The following NPAS3 variants were observed in gnomAD, a reference collection of about 807,000 sequenced individuals.
NPAS3 encodes the protein neuronal PAS domain-containing protein 3.
In NPAS3, 14 loss-of-function variants were observed where a neutral mutation model predicts 73.1. The ratio of observed to expected loss-of-function variants is 0.19; its 90% CI spans 0.13 to 0.30. The LOEUF (loss-of-function observed/expected upper bound fraction) is 0.30. Among genes scored for constraint, NPAS3 ranks in the 10% least tolerant of loss-of-function variants. The pLI is 1.00. For missense variants in NPAS3, 1,096 were observed against 1,250.0 expected (o/e 0.88, Z 1.86); for synonymous variants, 620 against 541.5 (o/e 1.14, Z -2.01).
chr14:33,746,171 TTTTA>T lies in NPAS3; in HGVS notation c.852+10867_852+10870del, dbSNP rs528860081. On this transcript the variant is annotated intron_variant, in intron 7 of 11. Coordinates refer to ENST00000356141, the Ensembl canonical transcript of NPAS3. ...TATTGACTCATTCTTTTTTATTTTA[TTTTA>T]TTTATTTATTTATTTATTTATTTAT... Among the ~76,000 whole-genome samples, 593 of 144,458 alleles carry T rather than the reference TTTTA, an allele frequency of 4.1e-3. 4 individuals are homozygous for T. Among genetic ancestry groups the T allele is most frequent in the African/African-American group, 0.014 (555 of 39,304 alleles). The allele number at this position is 144,458 out of a possible 152,430, so 94.8% of individuals were successfully genotyped here.
At chr14:33,085,913 A>C (rs1230098203) in intron 2 of NPAS3, among the ~76,000 whole-genome samples, 4 of 152,196 alleles carry the variant, frequency 2.6e-5, no homozygotes, top group Non-Finnish European at 5.9e-5. Flanking sequence ...GTCAACTTTC[A>C]GTTGGAAGTG....
intron 6 of NPAS3, among the ~76,000 whole-genome samples, chr14:33,711,041 A>G (rs1007757183): frequency 1.3e-5 from 2 of 151,942 alleles, no homozygotes; most frequent in Non-Finnish European, 2.9e-5. Context: ...CAGGTTTCCA[A>G]CTCTCTCACC....
intron 2 of NPAS3, among the ~76,000 whole-genome samples, chr14:33,136,838 A>G (rs1387850249): frequency 1.3e-5 from 2 of 152,236 alleles, no homozygotes; most frequent in Admixed American, 6.5e-5. Context: ...GGAGCAATTT[A>G]CCAATACCGC....
chr14:33,784,666 C>T (rs1411271381), intron 9 of NPAS3, among the ~76,000 whole-genome samples: 5 of 150,902 alleles, frequency 3.3e-5, no homozygotes, highest in South Asian at 2.1e-4. Context: ...CACATGGATT[C>T]GCAAGCTTCT....
intron 5 of NPAS3, among the ~76,000 whole-genome samples, chr14:33,626,817 T>C (rs2058234322): frequency 6.6e-6 from 1 of 152,086 alleles, no homozygotes; most frequent in Admixed American, 6.6e-5. Flanking sequence ...AGGTTATCCA[T>C]ACAAAGGGAT....
Position 33,565,896 on chromosome 14 carries a change from T to TA in NPAS3, c.558+5694dup, listed in dbSNP as rs1416840643. Among the ~76,000 whole-genome samples the TA allele has an allele frequency of 3.2e-3, 485 of 151,900 alleles. 2 individuals carry two copies. The highest frequency in any genetic ancestry group is 0.01 in the African/African-American group (421 of 41,404). On this transcript the variant is annotated intron_variant, in intron 5 of 11. Transcript: ENST00000356141. ...TCAAGTAGACATACCTTAATTTTTT[T>TA]AAAAAAAAGCAGAAAAATATATAAT... is the stretch of plus-strand genomic sequence containing the variant.
At chr14:33,360,999 G>A (rs1026201382) in intron 3 of NPAS3, among the ~76,000 whole-genome samples, 2 of 152,304 alleles carry the variant, frequency 1.3e-5, no homozygotes, top group South Asian at 4.1e-4. Context: ...TCAAGGGGAA[G>A]TGTGGGTTCT....
intron 2 of NPAS3, among the ~76,000 whole-genome samples, chr14:33,090,877 A>T (rs527402978): frequency 6.6e-6 from 1 of 152,234 alleles, no homozygotes; most frequent in South Asian, 2.1e-4. Context: ...GAAACTGAAC[A>T]ACCTGCTCCT....
At chr14:33,231,136 T>G (rs1185311634) in intron 3 of NPAS3, among the ~76,000 whole-genome samples, 1 of 152,224 alleles carries the variant, frequency 6.6e-6, no homozygotes, top group East Asian at 1.9e-4. Flanking sequence ...AGTGCAGGGT[T>G]ACTACACTTT....
At chr14:33,797,095 C>T (rs939664143) in intron 10 of NPAS3, among the ~76,000 whole-genome samples, 10 of 152,166 alleles carry the variant, frequency 6.6e-5, no homozygotes, top group East Asian at 5.8e-4. Context: ...AGAGAAGACA[C>T]GACACACCAG....
chr14:33,237,440 A>G (rs2048072955), intron 3 of NPAS3, among the ~76,000 whole-genome samples: 1 of 152,074 alleles, frequency 6.6e-6, no homozygotes. Context: ...TGCCTTATAA[A>G]TGGATAGCAA....
chr14:33,768,500 T>C (rs1052159675), intron 7 of NPAS3, among the ~76,000 whole-genome samples: 2 of 152,172 alleles, frequency 1.3e-5, no homozygotes, highest in Non-Finnish European at 2.9e-5. Context: ...AAGCTGAATT[T>C]ATCAATTTGC....
chr14:33,062,937 T>C (rs750661665), intron 2 of NPAS3, among the ~76,000 whole-genome samples: 3 of 152,240 alleles, frequency 2.0e-5, no homozygotes, highest in Non-Finnish European at 4.4e-5. Context: ...TGCATTAGAG[T>C]ATAATCATTA....
intron 4 of NPAS3, among the ~76,000 whole-genome samples, chr14:33,406,401 T>A (rs1440408200): frequency 6.6e-6 from 1 of 152,110 alleles, no homozygotes; most frequent in Non-Finnish European, 1.5e-5. Flanking sequence ...GTTCGCCTGC[T>A]TTGCTGGCAA....
At chr14:33,177,008 G>C (rs1357917340) in intron 2 of NPAS3, among the ~76,000 whole-genome samples, 2 of 150,992 alleles carry the variant, frequency 1.3e-5, no homozygotes, top group East Asian at 3.9e-4. Flanking sequence ...CTGGCTATTT[G>C]TATATCTCCT....
At chr14:32,936,950 G>A (rs1268024463), upstream of NPAS3, among the ~76,000 whole-genome samples, 5 of 138,024 alleles carry the variant, frequency 3.6e-5, no homozygotes, top group South Asian at 6.7e-4. Flanking sequence ...TTTTTTTCTA[G>A]CATCTCTAAA....
chr14:33,437,431 ATTGAAACCC>A (rs1266668676), intron 4 of NPAS3, among the ~76,000 whole-genome samples: 4 of 152,170 alleles, frequency 2.6e-5, no homozygotes, highest in Admixed American at 1.3e-4. Flanking sequence ...ATGACTTATA[ATTGAAACCC>A]TTGGTCCCTG....
chr14:33,534,973 G>T (rs534571269), intron 4 of NPAS3, among the ~76,000 whole-genome samples: 150 of 152,226 alleles, frequency 9.9e-4, no homozygotes, highest in Non-Finnish European at 1.5e-3. Context: ...ATCATAAGAG[G>T]AACATATTAG....
intron 3 of NPAS3, among the ~76,000 whole-genome samples, chr14:33,299,515 G>A: frequency 6.6e-6 from 1 of 152,240 alleles, no homozygotes; most frequent in East Asian, 1.9e-4. Flanking sequence ...AGAAAGAGCT[G>A]GGAGATGGAG....
Sources: allele counts gnomAD v4.1 joint callset (sites outside exome capture counted in the v4.1 genomes callset), GRCh38; gene constraint gnomAD v4.1.1; transcripts MANE v1.5; gene names NCBI Gene and HGNC (gene_info 2026-07-23, HGNC 2026-07-21).